Variants in LYST observed in about 807,000 individuals in gnomAD.
LYST encodes the protein lysosomal-trafficking regulator.
LYST carries 192 observed loss-of-function variants against 413.6 expected under a neutral mutation model. That is an observed-to-expected ratio of 0.46 (90% CI 0.41 to 0.52). The LOEUF is 0.52. Ranked by LOEUF, LYST falls within the 20% of genes least tolerant of loss-of-function variation. The probability of loss-of-function intolerance (pLI) is 0.00; values close to 1 mark genes in which losing one functional copy is unlikely to be tolerated. For synonymous variants in LYST, 1,525 were observed against 1,567.3 expected (o/e 0.97, Z 0.64); for missense variants, 3,815 against 4,499.9 (o/e 0.85, Z 4.35).
intron 40 of LYST, among the ~76,000 whole-genome samples, chr1:235,719,358 G>A (rs1415303909): frequency 1.3e-5 from 2 of 151,938 alleles, no homozygotes; most frequent in Non-Finnish European, 2.9e-5. Flanking sequence ...TAGTTTCCTC[G>A]CTTTCTGACA....
intron 1 of LYST, among the ~76,000 whole-genome samples, chr1:235,875,592 C>T (rs546776850): frequency 2.6e-5 from 4 of 152,210 alleles, no homozygotes; most frequent in Non-Finnish European, 5.9e-5. Flanking sequence ...CTGCCCCACA[C>T]AACTGCTTGG....
At chr1:235,798,156 C>T (rs906783361) in intron 10 of LYST, among the ~76,000 whole-genome samples, 4 of 152,020 alleles carry the variant, frequency 2.6e-5, no homozygotes, top group Non-Finnish European at 5.9e-5. Context: ...CTAACAAAAA[C>T]AAGGAAAGTC....
At chr1:235,847,691 G>A (rs1450181745) in intron 1 of LYST, among the ~76,000 whole-genome samples, 1 of 152,144 alleles carries the variant, frequency 6.6e-6, no homozygotes, top group Non-Finnish European at 1.5e-5. Context: ...TACGGTAAAG[G>A]GGTGGGAAAA....
At chr1:235,817,320 T>C (rs1674262060) in intron 3 of LYST, among the ~76,000 whole-genome samples, 1 of 152,156 alleles carries the variant, frequency 6.6e-6, no homozygotes, top group Admixed American at 6.6e-5. Flanking sequence ...ATTGGCAATT[T>C]CCCAAAGAAC....
chr1:235,875,752 G>C (rs1462229528), intron 1 of LYST, among the ~76,000 whole-genome samples: 2 of 151,992 alleles, frequency 1.3e-5, no homozygotes, highest in Admixed American at 6.5e-5. Context: ...CCTGAGGCAG[G>C]AGGATGGCTT....
Position 235,805,938 on chromosome 1 carries a change from C to A in LYST, c.3198G>T (p.Glu1066Asp). 1.2e-6 allele frequency: 2 copies of A among 1,613,844 alleles called. No homozygotes were observed. Among genetic ancestry groups the A allele is most frequent in the Non-Finnish European group, 1.7e-6 (2 of 1,179,862 alleles). ...KKSADSLGKLELQHISSINVE... is the reference protein window; with the variant it reads ...KKSADSLGKLDLQHISSINVE... The stretch of plus-strand genomic sequence containing the variant: ...CATTTATGGAAGAAATATGCTGTAA[C>A]TCTAATTTACCTAAACTGTCAGCAC... Residue 1066 changes from glutamate (E) to aspartate (D), a missense_variant, in exon 6 of 53, where the codon GAG becomes GAT. Physicochemically the swap from Glu to Asp is conservative, Grantham distance 45 (BLOSUM62 2). Around this residue, in one of 4 missense-constraint regions of LYST, gnomAD observed 1,648 missense variants for 1,810.3 expected, o/e 0.91. Transcript: ENST00000389793.
intron 44 of LYST, among the ~76,000 whole-genome samples, chr1:235,705,650 C>A (rs1270320409): frequency 6.6e-6 from 1 of 151,902 alleles, no homozygotes; most frequent in African/African-American, 2.4e-5. Context: ...TCTCCCAGAG[C>A]ATTTGGGTTA....
chr1:235,748,743 CTCCTCTAGCA>C (rs1346197597), intron 28 of LYST, among the ~76,000 whole-genome samples: 1 of 152,168 alleles, frequency 6.6e-6, no homozygotes, highest in East Asian at 1.9e-4. Context: ...TGGTATCTAA[CTCCTCTAGCA>C]ATGCAAGAAC....
At chr1:235,750,692 T>C (rs1457850215) in intron 28 of LYST, among the ~76,000 whole-genome samples, 1 of 152,150 alleles carries the variant, frequency 6.6e-6, no homozygotes, top group East Asian at 1.9e-4. Context: ...TGTTTATTAT[T>C]TGATGACATT....
At chr1:235,823,763 C>A (rs750253633) in intron 3 of LYST, among the ~76,000 whole-genome samples, 1 of 152,202 alleles carries the variant, frequency 6.6e-6, no homozygotes, top group Non-Finnish European at 1.5e-5. Context: ...CTCTTTACAT[C>A]GCCAATTCCT....
chr1:235,706,838 A>G (rs1400828584), intron 44 of LYST, among the ~76,000 whole-genome samples: 2 of 152,178 alleles, frequency 1.3e-5, no homozygotes, highest in Non-Finnish European at 2.9e-5. Flanking sequence ...ATATGACTTC[A>G]GACGTACTCA....
At chr1:235,787,467 A>T in intron 13 of LYST, 94 bp from the exon 14 acceptor site, 2 of 1,058,592 alleles carry the variant, frequency 1.9e-6, no homozygotes, top group Non-Finnish European at 2.9e-6. Context: ...TAAATAAGTA[A>T]GATTAAAAAT....
At chr1:235,711,018 C>T (rs373489106) in intron 43 of LYST, among the ~76,000 whole-genome samples, 1 of 152,204 alleles carries the variant, frequency 6.6e-6, no homozygotes, top group African/African-American at 2.4e-5. Flanking sequence ...GCATGAGACA[C>T]CCTGAGCTAA....
rs1406495177 is a variant in LYST at position 235,800,760 on chromosome 1, T to C, written c.3939+111A>G. ...TATTCACCTGAGGTACCAGAAAAGA[T>C]AAGTAATCATCTCAAATAATTTTCA... On this transcript the variant is annotated intron_variant, in intron 9 of 52. Coordinates refer to ENST00000389793, the MANE Select transcript of LYST (RefSeq NM_000081.4). The C allele has an allele frequency of 1.3e-5, 10 of 756,538 alleles. No individual in the cohort carries two copies. The Admixed American group carries it at 2.3e-4, about 18-fold the overall frequency. 46.9% of individuals were successfully genotyped at this position (756,538 alleles called of 1,614,324 possible).
intron 1 of LYST, among the ~76,000 whole-genome samples, chr1:235,853,268 T>C (rs982697661): frequency 2.0e-5 from 3 of 152,204 alleles, no homozygotes; most frequent in Non-Finnish European, 2.9e-5. Context: ...CCTTCAGCTC[T>C]AAAGAGCATC....
At chr1:235,790,819 G>A (rs182949277) in intron 12 of LYST, among the ~76,000 whole-genome samples, 99 of 152,306 alleles carry the variant, frequency 6.5e-4, no homozygotes, top group African/African-American at 2.3e-3. Flanking sequence ...GAACTGGAAT[G>A]AAATTTATTC....
Position 235,810,189 on chromosome 1 carries a change from G to T in LYST, c.629C>A (p.Thr210Asn). ...AGCATCTGGAGGAGTCTGTTCTTTGGTTGCTAAGCGGTCAAGTTTAGCTTT... is the reference window on the plus strand; with the variant it reads ...AGCATCTGGAGGAGTCTGTTCTTTGTTTGCTAAGCGGTCAAGTTTAGCTTT... ...HPKAKLDRLA[T>N]KEQTPPDAMA... The change falls in exon 5 of 53, where the codon ACC becomes AAC. Residue 210 changes from threonine to asparagine, a missense_variant. Coordinates refer to ENST00000389793, the MANE Select transcript of LYST (RefSeq NM_000081.4). The T allele has an allele frequency of 1.9e-6, 3 of 1,614,126 alleles. No homozygotes were observed. Among genetic ancestry groups the T allele is most frequent in the Non-Finnish European group, 2.5e-6 (3 of 1,179,992 alleles).
chr1:235,848,083 C>T (rs1046687152), intron 1 of LYST, among the ~76,000 whole-genome samples: 6 of 152,148 alleles, frequency 3.9e-5, no homozygotes, highest in Admixed American at 6.5e-5. Context: ...AATATACATT[C>T]TATTCAACAG....
chr1:235,715,184 A>C lies in LYST; in HGVS notation c.9784+17T>G. 1 of 1,610,106 alleles carries C rather than the reference A, an allele frequency of 6.2e-7. No individual in the cohort carries two copies. Among genetic ancestry groups the C allele is most frequent in the South Asian group, 1.1e-5 (1 of 91,014 alleles). On this transcript the variant is annotated intron_variant, in intron 42 of 52. Transcript: ENST00000389793. ...GATGACCCAACATGACTTTTTAGGC[A>C]GTTATTAAATTCTTACCTTGATAGG...
Sources: gnomAD v4.1 joint callset for allele counts (sites outside exome capture counted in the v4.1 genomes callset) on GRCh38, gnomAD v4.1.1 for gene constraint, gnomAD v4.1.1 regional missense constraint, MANE v1.5 for transcripts, NCBI Gene and HGNC (gene_info 2026-07-23, HGNC 2026-07-21) for gene names.